ZNF236: variants seen among roughly 807,000 people sequenced by gnomAD.
ZNF236 encodes the protein regulated by glucose.
In ZNF236, 50 loss-of-function variants were observed where a neutral mutation model predicts 191.2. The ratio of observed to expected loss-of-function variants is 0.26; its 90% CI spans 0.21 to 0.33. The LOEUF (loss-of-function observed/expected upper bound fraction) is 0.33. Among genes scored for constraint, ZNF236 ranks in the 10% least tolerant of loss-of-function variants. The pLI is 1.00. For synonymous variants in ZNF236, 907 were observed against 928.8 expected (o/e 0.98, Z 0.43); for missense variants, 1,754 against 2,374.5 (o/e 0.74, Z 5.43).
At chr18:76,892,598 G>A (rs967680339) in intron 9 of ZNF236, among the ~76,000 whole-genome samples, 2 of 151,750 alleles carry the variant, frequency 1.3e-5, no homozygotes, top group Admixed American at 6.6e-5. Context: ...ATGGAATTTC[G>A]CTCTTGTTGC....
chr18:76,858,025 T>C (rs577131345), intron 3 of ZNF236, among the ~76,000 whole-genome samples: 64 of 152,164 alleles, frequency 4.2e-4, no homozygotes, highest in African/African-American at 1.5e-3. Flanking sequence ...TTTGGCCATA[T>C]GTTGTGTTAC....
chr18:76,833,666 T>C (rs1975236837), intron 1 of ZNF236, among the ~76,000 whole-genome samples: 1 of 152,154 alleles, frequency 6.6e-6, no homozygotes, highest in Non-Finnish European at 1.5e-5. Context: ...ATATTGCCAT[T>C]CTCAAGTTTT....
At chr18:76,967,823 A>G (rs1258324730) in intron 30 of ZNF236, among the ~76,000 whole-genome samples, 2 of 151,766 alleles carry the variant, frequency 1.3e-5, no homozygotes, top group African/African-American at 4.8e-5. Context: ...CGAGGGCAGA[A>G]CACTATATTG....
At chr18:76,878,275 G>C (rs749721590) in intron 7 of ZNF236, 123 bp downstream of exon 7, 8 of 878,496 alleles carry the variant, frequency 9.1e-6, no homozygotes, top group Non-Finnish European at 1.3e-5. Context: ...TGGAGAAAAG[G>C]TGCTACTTTT....
chr18:76,920,551 C>CAAA (rs36013690), intron 20 of ZNF236, among the ~76,000 whole-genome samples: 4 of 142,156 alleles, frequency 2.8e-5, no homozygotes, highest in Non-Finnish European at 3.1e-5. Context: ...AACTCCGTCT[C>CAAA]AAAAAAAAAA....
chr18:76,912,434 C>T (rs917499404), intron 17 of ZNF236, 87 bp downstream of exon 17: 28 of 853,892 alleles, frequency 3.3e-5, no homozygotes, highest in African/African-American at 2.9e-4. Flanking sequence ...AAGGGCTCTG[C>T]GATTTCATTC....
chr18:76,925,157 C>T lies in ZNF236; in HGVS notation c.3662-32C>T. ...GGGGTGAGTGTCGCGACTGCCATCG[C>T]CTCTGTTGATTCTTGGCTGGGCTTT... On this transcript the variant is annotated intron_variant, in intron 21 of 30. Transcript: ENST00000320610. The surrounding 1 kb of genome is among the most constrained non-coding windows in gnomAD (Gnocchi z 5.7). The T allele has an allele frequency of 2.5e-6, 4 of 1,600,082 alleles. No homozygotes were observed. The highest frequency in any genetic ancestry group is 3.4e-6 in the Non-Finnish European group (4 of 1,171,620).
At chr18:76,946,769 G>C (rs1421485810) in intron 26 of ZNF236, among the ~76,000 whole-genome samples, 1 of 152,094 alleles carries the variant, frequency 6.6e-6, no homozygotes, top group African/African-American at 2.4e-5. Flanking sequence ...AGGTGTGCTG[G>C]GCTGGTAAGA....
intron 3 of ZNF236, among the ~76,000 whole-genome samples, chr18:76,853,368 C>T (rs28628145): frequency 0.026 from 3,913 of 152,170 alleles, 154 homozygotes; most frequent in African/African-American, 0.087. Flanking sequence ...TGTGAGCCAC[C>T]GCGCCTGGCC....
chr18:76,853,613 AGC>A (rs1975948022), intron 3 of ZNF236, among the ~76,000 whole-genome samples: 1 of 152,140 alleles, frequency 6.6e-6, no homozygotes, highest in Admixed American at 6.6e-5. Flanking sequence ...GGGATTGGGG[AGC>A]TGTTGGTCAA....
chr18:76,921,104 T>C (rs1360854401), intron 20 of ZNF236, among the ~76,000 whole-genome samples: 1 of 152,212 alleles, frequency 6.6e-6, no homozygotes, highest in African/African-American at 2.4e-5. Flanking sequence ...CAGCAGGTGC[T>C]GCAGGGAAAG....
intron 9 of ZNF236, chr18:76,886,921 C>T (rs1977074528): frequency 4.9e-6 from 1 of 202,628 alleles, no homozygotes; most frequent in Non-Finnish European, 1.1e-5. Flanking sequence ...TCTAGTGCCT[C>T]TTGAGCATTC....
At chr18:76,897,501 C>A (rs1266573815) in intron 10 of ZNF236, among the ~76,000 whole-genome samples, 1 of 151,824 alleles carries the variant, frequency 6.6e-6, no homozygotes, top group African/African-American at 2.4e-5. Flanking sequence ...TAGTACCACA[C>A]ACACAGTATT....
chr18:76,911,533 T>C (rs1967217259), intron 16 of ZNF236, among the ~76,000 whole-genome samples: 1 of 152,258 alleles, frequency 6.6e-6, no homozygotes, highest in South Asian at 2.1e-4. Context: ...TCTGTTGTTG[T>C]GGTTTATCTA....
At chr18:76,935,265 C>T (rs1185352202) in intron 25 of ZNF236, among the ~76,000 whole-genome samples, 1 of 152,214 alleles carries the variant, frequency 6.6e-6, no homozygotes, top group Non-Finnish European at 1.5e-5. Context: ...GAACCGGTAT[C>T]ATCCTCTTTG....
chr18:76,955,885 T>C (rs897399085), intron 27 of ZNF236, 100 bp from the exon 28 acceptor site: 1 of 1,350,100 alleles, frequency 7.4e-7, no homozygotes, highest in African/African-American at 1.4e-5. Context: ...GGCGTGTCCG[T>C]GCTAGGAATG....
chr18:76,918,227 G>A (rs1246744264), intron 19 of ZNF236, among the ~76,000 whole-genome samples: 1 of 152,002 alleles, frequency 6.6e-6, no homozygotes, highest in Non-Finnish European at 1.5e-5. Context: ...ATTTAGGAAT[G>A]AATACTTATG....
chr18:76,894,362 A>C (rs1977337793), intron 9 of ZNF236, among the ~76,000 whole-genome samples: 1 of 152,192 alleles, frequency 6.6e-6, no homozygotes, highest in Non-Finnish European at 1.5e-5. Flanking sequence ...CTTGGTTCTC[A>C]GATGGAACCA....
At chr18:76,860,432 G>C (rs868267274) in intron 3 of ZNF236, among the ~76,000 whole-genome samples, 2 of 152,200 alleles carry the variant, frequency 1.3e-5, no homozygotes, top group Non-Finnish European at 2.9e-5. Flanking sequence ...ACTGTTAGCT[G>C]TCATTCGCAG....
Sources: gnomAD v4.1 joint callset for allele counts (sites outside exome capture counted in the v4.1 genomes callset) on GRCh38, gnomAD v4.1.1 for gene constraint, Gnocchi (gnomAD v3.1) non-coding constraint, MANE v1.5 for transcripts, NCBI Gene and HGNC (gene_info 2026-07-23, HGNC 2026-07-21) for gene names.